CERS6: variants seen among roughly 807,000 people sequenced by gnomAD.
The protein encoded by CERS6 is LAG1 homolog, ceramide synthase 6.
A neutral mutation model predicts 56.8 loss-of-function variants in CERS6; 26 were observed. The ratio of observed to expected loss-of-function variants is 0.46; its 90% CI spans 0.34 to 0.63. CERS6 has a LOEUF of 0.63. CERS6 is among the 30% of genes least tolerant of loss of function. CERS6 has a pLI of 0.01. For missense variants in CERS6, 415 were observed against 467.5 expected, an observed-to-expected ratio of 0.89 and a Z score of 1.04; for synonymous variants, 164 against 173.3, an observed-to-expected ratio of 0.95 and a Z score of 0.42.
intron 1 of CERS6, among the ~76,000 whole-genome samples, chr2:168,472,275 A>G (rs1275751031): frequency 6.6e-6 from 1 of 152,206 alleles, no homozygotes; most frequent in African/African-American, 2.4e-5. Flanking sequence ...TTGAATTATC[A>G]CAGCAAAGTG....
At chr2:168,664,567 A>C (rs1685709580) in intron 4 of CERS6, among the ~76,000 whole-genome samples, 1 of 152,168 alleles carries the variant, frequency 6.6e-6, no homozygotes, top group Admixed American at 6.5e-5. Context: ...TTTTATGGTT[A>C]CTTTTTGGTG....
intron 1 of CERS6, among the ~76,000 whole-genome samples, chr2:168,545,710 AC>A (rs994333925): frequency 6.6e-6 from 1 of 152,144 alleles, no homozygotes; most frequent in African/African-American, 2.4e-5. Context: ...AAATGTCTTG[AC>A]CCCCTCCTGT....
chr2:168,499,757 G>A (rs1694545944), intron 1 of CERS6, among the ~76,000 whole-genome samples: 1 of 152,134 alleles, frequency 6.6e-6, no homozygotes, highest in South Asian at 2.1e-4. Context: ...GGTTTCATCA[G>A]CAGTTTTTCC....
chr2:168,715,222 T>C, intron 7 of CERS6, 93 bp downstream of exon 7: 1 of 1,071,738 alleles, frequency 9.3e-7, no homozygotes, highest in Non-Finnish European at 1.3e-6. Flanking sequence ...TAGATGGTGC[T>C]TGGGTACAAT....
rs1333532628 is a variant in CERS6, at chr2:168,772,421, A to G, written c.*2759A>G. The G allele has an allele frequency of 6.6e-6, 1 of 152,626 alleles. No homozygotes were observed. The highest frequency in any genetic ancestry group is 1.5e-5 in the Non-Finnish European group (1 of 68,030). The allele number at this position is 152,626 out of a possible 1,614,324, so 9.5% of individuals were successfully genotyped here. On this transcript the variant is annotated 3_prime_UTR_variant, in exon 10 of 10. Coordinates refer to ENST00000305747, the MANE Select transcript of CERS6 (RefSeq NM_203463.3). ...AAAAACATGTGTTCTATTTATGTAT[A>G]TATATGTATGTTTCTCCAAAAAGTG...
At chr2:168,707,333 A>T (rs1686982662) in intron 6 of CERS6, among the ~76,000 whole-genome samples, 1 of 152,156 alleles carries the variant, frequency 6.6e-6, no homozygotes, top group African/African-American at 2.4e-5. Flanking sequence ...TCAATTCTAG[A>T]TCTAATGTGA....
At chr2:168,470,862 T>C (rs1693963535) in intron 1 of CERS6, among the ~76,000 whole-genome samples, 1 of 152,180 alleles carries the variant, frequency 6.6e-6, no homozygotes, top group South Asian at 2.1e-4. Flanking sequence ...TATAGTTTAT[T>C]TGAAAGAATG....
chr2:168,458,472 C>G (rs1049755045), intron 1 of CERS6, among the ~76,000 whole-genome samples: 1 of 152,196 alleles, frequency 6.6e-6, no homozygotes, highest in Non-Finnish European at 1.5e-5. Context: ...TAGTTGAAAA[C>G]TGGAAGTTCA....
At chr2:168,472,135 A>G (rs1693988776) in intron 1 of CERS6, among the ~76,000 whole-genome samples, 5 of 152,206 alleles carry the variant, frequency 3.3e-5, no homozygotes, top group Admixed American at 3.3e-4. Context: ...CCAGCACTCA[A>G]ACTTGCTTAG....
At chr2:168,699,650 G>A (rs1574171325) in intron 6 of CERS6, among the ~76,000 whole-genome samples, 2 of 151,952 alleles carry the variant, frequency 1.3e-5, no homozygotes, top group East Asian at 3.9e-4. Flanking sequence ...AAAATGAGGG[G>A]AGAACTTTTC....
intron 1 of CERS6, among the ~76,000 whole-genome samples, chr2:168,482,712 G>A (rs944529891): frequency 6.6e-6 from 1 of 152,228 alleles, no homozygotes; most frequent in Admixed American, 6.5e-5. Context: ...GCTGAAGGCA[G>A]TTTTTCAGTT....
chr2:168,578,220 G>A (rs990282023), intron 3 of CERS6, among the ~76,000 whole-genome samples: 32 of 151,714 alleles, frequency 2.1e-4, no homozygotes, highest in African/African-American at 7.5e-4. Context: ...GGAAGAGAGA[G>A]GGCAAGTCTC....
At chr2:168,694,113 A>C (rs1269411335) in intron 5 of CERS6, among the ~76,000 whole-genome samples, 3 of 152,174 alleles carry the variant, frequency 2.0e-5, no homozygotes, top group Non-Finnish European at 2.9e-5. Context: ...CATTCATTTT[A>C]ATAAAGCAAG....
chr2:168,483,388 GT>G (rs1336746191), intron 1 of CERS6, among the ~76,000 whole-genome samples: 1 of 152,034 alleles, frequency 6.6e-6, no homozygotes, highest in Non-Finnish European at 1.5e-5. Context: ...CTGGTTACTG[GT>G]TACTCAAAAT....
intron 8 of CERS6, among the ~76,000 whole-genome samples, chr2:168,741,697 A>C (rs768260649): frequency 6.6e-6 from 1 of 152,182 alleles, no homozygotes. Flanking sequence ...TATATATAAT[A>C]AGTAAGGAAA....
At chr2:168,535,669 G>GTT (rs59139047) in intron 1 of CERS6, among the ~76,000 whole-genome samples, 46,813 of 115,188 alleles carry the variant, frequency 0.41, 10,365 homozygotes, top group South Asian at 0.69. Context: ...TTTGATACCA[G>GTT]TTTTTTTTTT....
At chr2:168,642,476 C>A (rs6433082) in intron 4 of CERS6, among the ~76,000 whole-genome samples, 47,289 of 152,034 alleles carry the variant, frequency 0.31, 9,006 homozygotes, top group African/African-American at 0.52. Context: ...CATGTGTGAT[C>A]TGGTTAGTGA....
intron 1 of CERS6, among the ~76,000 whole-genome samples, chr2:168,465,251 A>C (rs750475718): frequency 3.9e-5 from 6 of 152,226 alleles, no homozygotes; most frequent in Non-Finnish European, 7.3e-5. Flanking sequence ...TATTGCTCAC[A>C]GTTTTGGAGG....
chr2:168,734,086 T>G (rs1364135566), intron 8 of CERS6, among the ~76,000 whole-genome samples: 1 of 152,202 alleles, frequency 6.6e-6, no homozygotes, highest in Non-Finnish European at 1.5e-5. Flanking sequence ...CTAAAAGTTT[T>G]ATGATGTTAT....
Sources: allele counts gnomAD v4.1 joint callset (sites outside exome capture counted in the v4.1 genomes callset), GRCh38; gene constraint gnomAD v4.1.1; transcripts MANE v1.5; gene names NCBI Gene and HGNC (gene_info 2026-07-23, HGNC 2026-07-21).